PCLAF: variants seen among roughly 807,000 people sequenced by gnomAD.
PCLAF encodes the protein PCNA-associated factor.
A neutral mutation model predicts 15.1 loss-of-function variants in PCLAF; 12 were observed. That is an observed-to-expected ratio of 0.79 (90% CI 0.51 to 1.29). The LOEUF (loss-of-function observed/expected upper bound fraction) is 1.29. Among genes scored for constraint, PCLAF ranks in the 50% most tolerant of loss-of-function variants. PCLAF has a pLI of 0.00. For synonymous variants in PCLAF, 33 were observed against 47.1 expected, an observed-to-expected ratio of 0.70 and a Z score of 1.22; for missense variants, 116 against 130.9, an observed-to-expected ratio of 0.89 and a Z score of 0.56.
intron 3 of PCLAF, 45 bp from the exon 4 acceptor site, chr15:64,366,120 T>A (rs1263586536): frequency 6.7e-7 from 1 of 1,494,032 alleles, no homozygotes; most frequent in Admixed American, 1.9e-5. Flanking sequence ...AAGTATCAAC[T>A]GTTTGAAAAA....
chr15:64,376,877 G>A lies in PCLAF; in HGVS notation c.156C>T (p.Pro52=), dbSNP rs549323404. The change falls in exon 3 of 4, where the codon CCC becomes CCT. Residue 52 remains proline, a synonymous_variant. Coordinates refer to ENST00000300035, the MANE Select transcript of PCLAF (RefSeq NM_014736.6). The part of the protein sequence containing the change: ...KAENKYAGGN[P]VCVRPTPKWQ... ...ACTTGGGAGTTGGGCGCACGCAAAC[G>A]GGGTTCCCTCCTGCATATTTATTTT... The A allele has an allele frequency of 2.2e-5, 35 of 1,613,752 alleles. No homozygotes were observed. The highest frequency in any genetic ancestry group is 1.3e-4 in the South Asian group (12 of 91,058).
At chr15:64,374,865 G>T (rs1566965925) in intron 3 of PCLAF, among the ~76,000 whole-genome samples, 1 of 149,050 alleles carries the variant, frequency 6.7e-6, no homozygotes, top group Non-Finnish European at 1.5e-5. Context: ...AAAAAAAAAG[G>T]AAGAAAGAAA....
intron 3 of PCLAF, among the ~76,000 whole-genome samples, chr15:64,369,694 G>T (rs912045393): frequency 6.6e-6 from 1 of 152,092 alleles, no homozygotes; most frequent in Non-Finnish European, 1.5e-5. Context: ...GAGATCACAT[G>T]CATGTGCCAC....
chr15:64,375,135 T>C (rs6494477), intron 3 of PCLAF, among the ~76,000 whole-genome samples: 122,108 of 151,982 alleles, frequency 0.8, 50,043 homozygotes, highest in East Asian at 0.95. Context: ...TTTTACTTGA[T>C]TTTTTTTGAG....
chr15:64,371,795 C>T (rs1899326707), intron 3 of PCLAF, among the ~76,000 whole-genome samples: 1 of 151,970 alleles, frequency 6.6e-6, no homozygotes, highest in Non-Finnish European at 1.5e-5. Context: ...CCGAGTTTCA[C>T]CATGTTCTCC....
At chr15:64,387,673 A>G (rs1899978031) in exon 1 of PCLAF, 2 of 1,409,124 alleles carry the variant, frequency 1.4e-6, no homozygotes, top group Middle Eastern at 1.9e-4. Flanking sequence ...CGGAGGGCAC[A>G]AGGAAGTAGA....
At chr15:64,380,164 T>C (rs763986419) in intron 2 of PCLAF, among the ~76,000 whole-genome samples, 4 of 152,076 alleles carry the variant, frequency 2.6e-5, no homozygotes, top group South Asian at 4.1e-4. Flanking sequence ...AGGCAGATCA[T>C]GAGGTCAGGA....
upstream of PCLAF, among the ~76,000 whole-genome samples, chr15:64,383,371 G>GC (rs1555408059): frequency 5.6e-5 from 8 of 142,080 alleles, no homozygotes; most frequent in African/African-American, 2.1e-4. Flanking sequence ...TTGTGTGTGT[G>GC]TTTTTTTTTT....
In PCLAF at chr15:64,365,930, G is replaced by A. The variant is rs1000565592; in HGVS notation, c.*100C>T. 5.9e-6 allele frequency: 6 copies of A among 1,017,604 alleles called. No homozygotes were observed. In the East Asian group the frequency reaches 1.2e-4, roughly 21 times the overall value. The allele number at this position is 1,017,604 out of a possible 1,614,324, so 63.0% of individuals were successfully genotyped here. A position where few individuals can be genotyped will look rare whatever the true frequency, so the allele number is the denominator to read the frequency against. On this transcript the variant is annotated 3_prime_UTR_variant, in exon 4 of 4. Transcript: ENST00000300035. ...ACCTAAATTTTTTAATTAAATGCCT[G>A]TTCAACAAAGCTAATTGGAACAAAC...
chr15:64,383,405 C>T (rs1468085842), upstream of PCLAF, among the ~76,000 whole-genome samples: 4 of 149,504 alleles, frequency 2.7e-5, no homozygotes, highest in Non-Finnish European at 5.9e-5. Flanking sequence ...CTCACTTCTT[C>T]GCCCAGGTTG....
At chr15:64,374,934 CTT>C (rs946332543) in intron 3 of PCLAF, among the ~76,000 whole-genome samples, 1 of 150,630 alleles carries the variant, frequency 6.6e-6, no homozygotes, top group East Asian at 1.9e-4. Context: ...AACTCGGAAA[CTT>C]TTTTTTAAAG....
At chr15:64,366,701 G>A (rs1186238170) in intron 3 of PCLAF, among the ~76,000 whole-genome samples, 7 of 152,014 alleles carry the variant, frequency 4.6e-5, no homozygotes, top group Admixed American at 3.3e-4. Flanking sequence ...GGCCGGGGTC[G>A]GTGGATCACG....
At chr15:64,368,674 C>A (rs1899152762) in intron 3 of PCLAF, among the ~76,000 whole-genome samples, 1 of 152,074 alleles carries the variant, frequency 6.6e-6, no homozygotes, top group South Asian at 2.1e-4. Context: ...TCCTCCTAAA[C>A]AATGGCAAAT....
At chr15:64,375,315 G>A (rs1179580501) in intron 3 of PCLAF, among the ~76,000 whole-genome samples, 8 of 151,940 alleles carry the variant, frequency 5.3e-5, no homozygotes, top group Admixed American at 1.3e-4. Context: ...TAGTAGAGAC[G>A]GGGTTTCACC....
chr15:64,373,406 TTTTTTCCTTGCCACA>T, intron 3 of PCLAF: 1 of 315,886 alleles, frequency 3.2e-6, no homozygotes, highest in Non-Finnish European at 5.7e-6. Flanking sequence ...AAGACCTGGT[TTTTTTCCTTGCCACA>T]TTGAACTTCT....
chr15:64,373,739 T>C (rs888201405), intron 3 of PCLAF: 41 of 1,535,718 alleles, frequency 2.7e-5, no homozygotes, highest in Non-Finnish European at 3.5e-5. Flanking sequence ...TGCTGCTCAG[T>C]GTGCTGGAGG....
At chr15:64,381,577 G>A, upstream of PCLAF, 1 of 1,402,994 alleles carries the variant, frequency 7.1e-7, no homozygotes, top group Non-Finnish European at 9.4e-7. Flanking sequence ...TGACAGCGGC[G>A]AGGCTTCTTG....
At chr15:64,370,671 G>C (rs968181230) in intron 3 of PCLAF, among the ~76,000 whole-genome samples, 1 of 151,832 alleles carries the variant, frequency 6.6e-6, no homozygotes, top group African/African-American at 2.4e-5. Flanking sequence ...ACCCAGGCTG[G>C]AGTGTCTATT....
intron 3 of PCLAF, among the ~76,000 whole-genome samples, chr15:64,372,731 T>C (rs1217529651): frequency 6.6e-6 from 1 of 151,852 alleles, no homozygotes; most frequent in Non-Finnish European, 1.5e-5. Context: ...CCCAGCACTT[T>C]GGGAGGCCGA....
Sources: allele counts gnomAD v4.1 joint callset (sites outside exome capture counted in the v4.1 genomes callset), GRCh38; gene constraint gnomAD v4.1.1; transcripts MANE v1.5; gene names NCBI Gene and HGNC (gene_info 2026-07-23, HGNC 2026-07-21).